C4orf33: variants seen among roughly 807,000 people sequenced by gnomAD.
C4orf33 encodes chromosome 4 open reading frame 33.
A neutral mutation model predicts 24.3 loss-of-function variants in C4orf33; 20 were observed. That is an observed-to-expected ratio of 0.82 (90% CI 0.58 to 1.19). The LOEUF is 1.19. Among genes scored for constraint, C4orf33 ranks in the 50% most tolerant of loss-of-function variants. The pLI is 0.00. For synonymous variants in C4orf33, 67 were observed against 76.4 expected (o/e 0.88, Z 0.64); for missense variants, 207 against 225.9 (o/e 0.92, Z 0.54).
intron 1 of C4orf33, among the ~76,000 whole-genome samples, chr4:129,101,293 G>A (rs3105369): frequency 0.71 from 107,503 of 152,050 alleles, 40,448 homozygotes; most frequent in South Asian, 0.89. Context: ...TTTTCAATAC[G>A]TATTCACTGA....
intron 5 of C4orf33, 183 bp downstream of exon 5, chr4:129,109,855 C>G: frequency 1.0e-6 from 1 of 962,004 alleles, no homozygotes; most frequent in South Asian, 1.8e-5. Context: ...CTGTCATAAT[C>G]TCTCTCACTA....
rs939326310 is a variant in C4orf33 at position 129,115,767 on chromosome 4, A to T, written c.*3976A>T. ...TATCCAGCCTAAGGCACCTAAGTCC[A>T]AGAGGAATATGTGCCTAACAAATCT... On this transcript the variant is annotated 3_prime_UTR_variant, in exon 6 of 6. Coordinates refer to ENST00000425929, the MANE Select transcript of C4orf33 (RefSeq NM_001099783.2). 11 of 148,870 alleles carry T rather than the reference A, an allele frequency of 7.4e-5. No homozygotes were observed. The highest frequency in any genetic ancestry group is 2.7e-4 in the African/African-American group (11 of 40,574). 9.2% of individuals were successfully genotyped at this position (148,870 alleles called of 1,614,324 possible).
chr4:129,113,756 AG>A lies in C4orf33; in HGVS notation c.*1967del, dbSNP rs1753733630. The A allele has an allele frequency of 7.8e-6, 1 of 128,208 alleles. No individual in the cohort carries two copies. Among genetic ancestry groups the A allele is most frequent in the African/African-American group, 2.6e-5 (1 of 37,980 alleles). The allele number at this position is 128,208 out of a possible 1,614,324, so 7.9% of individuals were successfully genotyped here. A position where few individuals can be genotyped will look rare whatever the true frequency, so the allele number is the denominator to read the frequency against. On this transcript the variant is annotated 3_prime_UTR_variant, in exon 6 of 6. Transcript: ENST00000425929. ...AAACTACTTTTTTTAAACGTTAAAAAGGTTTTTTGCCACAGGAAAAAAAACA... is the reference window on the plus strand; with the variant it reads ...AAACTACTTTTTTTAAACGTTAAAAAGTTTTTTGCCACAGGAAAAAAAACA...
chr4:129,096,934 G>A (rs372752709), intron 1 of C4orf33, among the ~76,000 whole-genome samples: 11 of 152,112 alleles, frequency 7.2e-5, no homozygotes, highest in Non-Finnish European at 1.2e-4. Context: ...TTTTTGAGAC[G>A]GAGTCTTGCT....
chr4:129,094,301 A>ATT (rs56057120), upstream of C4orf33, among the ~76,000 whole-genome samples: 7 of 139,918 alleles, frequency 5.0e-5, no homozygotes, highest in Non-Finnish European at 8.2e-5. Context: ...CTTAAAACGT[A>ATT]TTTTTTTAAA....
chr4:129,097,939 G>T (rs1462147323), intron 1 of C4orf33, among the ~76,000 whole-genome samples: 1 of 152,150 alleles, frequency 6.6e-6, no homozygotes, highest in African/African-American at 2.4e-5. Flanking sequence ...TTTTCTCTCC[G>T]TGAACTGGCT....
chr4:129,105,533 G>T (rs1753492295), intron 2 of C4orf33, among the ~76,000 whole-genome samples: 1 of 152,110 alleles, frequency 6.6e-6, no homozygotes. Flanking sequence ...AAGATTCTCT[G>T]AATTGCTGGC....
At position 129,116,138 on chromosome 4, in the gene C4orf33, G is replaced by C. The variant is rs911617278; in HGVS notation, c.*4347G>C. Reference sequence around the variant, plus strand: ...AATCTATGAAAAGTGAGGGGTGTCTGTGCATATTTTATTTTATTTCATAAT... The same window carrying C: ...AATCTATGAAAAGTGAGGGGTGTCTCTGCATATTTTATTTTATTTCATAAT... On this transcript the variant is annotated 3_prime_UTR_variant, in exon 6 of 6. Coordinates refer to ENST00000425929, the MANE Select transcript of C4orf33 (RefSeq NM_001099783.2). 9 of 151,842 alleles carry C rather than the reference G, an allele frequency of 5.9e-5. No individual in the cohort carries two copies. The highest frequency in any genetic ancestry group is 1.2e-4 in the Non-Finnish European group (8 of 67,950). 9.4% of individuals were successfully genotyped at this position (151,842 alleles called of 1,614,324 possible).
In C4orf33 at chr4:129,109,335, T is replaced by C; in HGVS notation, c.271T>C (p.Ser91Pro). ...CGGACAGCATTTAGTGCTTTTACTT[T>C]CTGGAAGAAGAAATGTGTGGAAAGT... Reference protein sequence around the residue: ...PHGQHLVLLLSGRRNVWKQEL... With the variant: ...PHGQHLVLLLPGRRNVWKQEL... The change falls in exon 4 of 6, where the codon TCT becomes CCT. Residue 91 changes from serine (S) to proline (P), a missense_variant. Transcript: ENST00000425929. 2 of 1,614,154 alleles carry C rather than the reference T, an allele frequency of 1.2e-6. No homozygotes were observed.
intron 3 of C4orf33, among the ~76,000 whole-genome samples, chr4:129,108,472 C>A (rs772848592): frequency 1.3e-5 from 2 of 151,806 alleles, no homozygotes; most frequent in Non-Finnish European, 2.9e-5. Context: ...TGTTGAGGAC[C>A]GTGTGTGAAA....
intron 2 of C4orf33, chr4:129,103,146 A>T (rs1260588933): frequency 6.4e-6 from 1 of 155,224 alleles, no homozygotes; most frequent in East Asian, 1.9e-4. Context: ...CAGCCTCCCT[A>T]GTAGCTGGGA....
In C4orf33 at chr4:129,109,898, T is replaced by C. The variant is rs1753637010; in HGVS notation, c.494+226T>C. On this transcript the variant is annotated intron_variant, in intron 5 of 5. Coordinates refer to ENST00000425929, the MANE Select transcript of C4orf33 (RefSeq NM_001099783.2). ...TAGAGCACTTATTTTTCCATAGTGG[T>C]ATGAGAAAAGTGTTGTTTGCATGTG... 2.7e-6 allele frequency: 3 copies of C among 1,091,462 alleles called. No individual in the cohort carries two copies. In the Admixed American group the frequency reaches 1.1e-4, roughly 39 times the overall value. The allele number at this position is 1,091,462 out of a possible 1,614,324, so 67.6% of individuals were successfully genotyped here. A position where few individuals can be genotyped will look rare whatever the true frequency, so the allele number is the denominator to read the frequency against.
intron 5 of C4orf33, 115 bp downstream of exon 5, chr4:129,109,787 A>G (rs1753634079): frequency 2.1e-6 from 2 of 969,288 alleles, no homozygotes; most frequent in South Asian, 1.7e-5. Flanking sequence ...GTGCACAAGT[A>G]TCTAGTAGAG....
chr4:129,110,407 A>G (rs1343212566), intron 5 of C4orf33, among the ~76,000 whole-genome samples: 1 of 152,208 alleles, frequency 6.6e-6, no homozygotes, highest in Non-Finnish European at 1.5e-5. Context: ...ACATAGGCAG[A>G]CTAGAGCTCC....
chr4:129,110,837 T>A (rs752053132), intron 5 of C4orf33, among the ~76,000 whole-genome samples: 6 of 152,146 alleles, frequency 3.9e-5, no homozygotes, highest in Admixed American at 1.3e-4. Flanking sequence ...TTCCTTTTTC[T>A]TATCCTTCAC....
At chr4:129,105,371 A>C (rs1753486024) in intron 2 of C4orf33, among the ~76,000 whole-genome samples, 1 of 152,194 alleles carries the variant, frequency 6.6e-6, no homozygotes, top group South Asian at 2.1e-4. Context: ...TTTAATGTTA[A>C]TCTCATCTTT....
intron 2 of C4orf33, among the ~76,000 whole-genome samples, chr4:129,105,445 A>G (rs894021123): frequency 6.6e-6 from 1 of 152,234 alleles, no homozygotes; most frequent in African/African-American, 2.4e-5. Context: ...ACCATGGCCT[A>G]GTTAAGTTGA....
At chr4:129,109,285 T>A in intron 3 of C4orf33, 22 bp from the exon 4 acceptor site, 1 of 1,608,378 alleles carries the variant, frequency 6.2e-7, no homozygotes, top group Non-Finnish European at 8.5e-7. Flanking sequence ...CAAACACTCA[T>A]GAGGAATCTT....
In C4orf33 at chr4:129,106,635, T is replaced by G; in HGVS notation, c.230T>G (p.Val77Gly). The G allele has an allele frequency of 6.5e-7, 1 of 1,534,190 alleles. No homozygotes were observed. Among genetic ancestry groups the G allele is most frequent in the Non-Finnish European group, 8.9e-7 (1 of 1,124,840 alleles). ...GATATAACTGAGCAATATTTAGAAG[T>G]TGAACTTTGTCCGTAAGTATAAAAT... Reference protein sequence around the residue: ...LNDITEQYLEVELCPHGQHLV... With the variant: ...LNDITEQYLEGELCPHGQHLV... Residue 77 changes from valine to glycine, a missense_variant, in exon 3 of 6, where the codon GTT becomes GGT. Physicochemically the swap from Val to Gly is moderately radical, Grantham distance 109. Coordinates refer to ENST00000425929, the MANE Select transcript of C4orf33 (RefSeq NM_001099783.2).
Sources: allele counts gnomAD v4.1 joint callset (sites outside exome capture counted in the v4.1 genomes callset), GRCh38; gene constraint gnomAD v4.1.1; transcripts MANE v1.5; gene names NCBI Gene and HGNC (gene_info 2026-07-23, HGNC 2026-07-21).